KCNH7: variants seen among roughly 807,000 people sequenced by gnomAD.
KCNH7 encodes the protein potassium voltage-gated channel subfamily H member 7.
In KCNH7, 49 loss-of-function variants were observed where a neutral mutation model predicts 120.8. The observed-to-expected ratio is 0.41, with a 90% CI of 0.32 to 0.51. The LOEUF (loss-of-function observed/expected upper bound fraction) is 0.51, where lower values mean the gene tolerates loss of function less well. Among genes scored for constraint, KCNH7 ranks in the 20% least tolerant of loss-of-function variants. The pLI, the probability that KCNH7 is intolerant of heterozygous loss-of-function variation, is 0.38. For synonymous variants in KCNH7, 547 were observed against 516.1 expected (o/e 1.06, Z -0.81); for missense variants, 1,097 against 1,446.6 (o/e 0.76, Z 3.92).
At chr2:162,387,965 A>T (rs1040729932) in intron 12 of KCNH7, among the ~76,000 whole-genome samples, 10 of 151,812 alleles carry the variant, frequency 6.6e-5, no homozygotes, top group Admixed American at 4.0e-4. Flanking sequence ...AGAAGCATTT[A>T]AGGTGCTCTC....
intron 2 of KCNH7, among the ~76,000 whole-genome samples, chr2:162,538,710 G>A (rs777127075): frequency 7.2e-5 from 11 of 151,994 alleles, no homozygotes; most frequent in African/African-American, 1.7e-4. Flanking sequence ...TATGGAGACC[G>A]CCACAGATCG....
Position 162,577,599 on chromosome 2 carries a change from T to C in KCNH7, c.308-40519A>G, listed in dbSNP as rs139808987. Among the ~76,000 whole-genome samples, 862 of 152,080 alleles carry C rather than the reference T, an allele frequency of 5.7e-3. 9 individuals are homozygous for C. The highest frequency in any genetic ancestry group is 0.02 in the African/African-American group (813 of 41,528). Reference sequence around the variant, plus strand: ...CATTCCTATGATTTTCTTCTGCAACTTTAGCCAAGGCACATAATCTAATTT... The same window carrying C: ...CATTCCTATGATTTTCTTCTGCAACCTTAGCCAAGGCACATAATCTAATTT... On this transcript the variant is annotated intron_variant, in intron 2 of 15. Transcript: ENST00000332142.
At chr2:162,479,995 C>T (rs1378470790) in intron 6 of KCNH7, among the ~76,000 whole-genome samples, 3 of 152,008 alleles carry the variant, frequency 2.0e-5, no homozygotes, top group African/African-American at 4.8e-5. Flanking sequence ...TTCCATGAAG[C>T]ATGATTTTGT....
At chr2:162,758,740 T>G (rs2105447061) in intron 2 of KCNH7, among the ~76,000 whole-genome samples, 1 of 152,254 alleles carries the variant, frequency 6.6e-6, no homozygotes, top group African/African-American at 2.4e-5. Context: ...TTGAATTCTC[T>G]TATAGGTTTG....
intron 6 of KCNH7, among the ~76,000 whole-genome samples, chr2:162,483,307 T>C (rs557388607): frequency 1.3e-4 from 20 of 152,256 alleles, no homozygotes; most frequent in African/African-American, 4.6e-4. Flanking sequence ...TAGAATGAAG[T>C]GGGTTAATAA....
intron 4 of KCNH7, 31 bp from the exon 5 acceptor site, chr2:162,512,705 G>A: frequency 1.9e-6 from 3 of 1,582,324 alleles, no homozygotes; most frequent in Non-Finnish European, 2.6e-6. Context: ...TAAAAAAAGA[G>A]AAATATAAAA....
chr2:162,580,029 A>G (rs1207022125), intron 2 of KCNH7, among the ~76,000 whole-genome samples: 1 of 151,962 alleles, frequency 6.6e-6, no homozygotes, highest in African/African-American at 2.4e-5. Flanking sequence ...CTTCATTCAA[A>G]ATGGGCTTGA....
At chr2:162,759,497 C>T (rs537106695) in intron 2 of KCNH7, among the ~76,000 whole-genome samples, 1 of 151,946 alleles carries the variant, frequency 6.6e-6, no homozygotes, top group Non-Finnish European at 1.5e-5. Flanking sequence ...GTTTCTCAGC[C>T]CAATTTCTTG....
chr2:162,638,898 C>A (rs1168291792), intron 2 of KCNH7, among the ~76,000 whole-genome samples: 1 of 152,128 alleles, frequency 6.6e-6, no homozygotes, highest in Admixed American at 6.6e-5. Flanking sequence ...TTAACATATT[C>A]ACGCACAGAC....
intron 2 of KCNH7, among the ~76,000 whole-genome samples, chr2:162,811,437 G>A (rs2105568815): frequency 6.6e-6 from 1 of 152,162 alleles, no homozygotes; most frequent in South Asian, 2.1e-4. Context: ...GAGCCATCTA[G>A]TTTCCTCCTT....
intron 2 of KCNH7, among the ~76,000 whole-genome samples, chr2:162,794,457 A>C (rs547303208): frequency 6.6e-6 from 1 of 152,054 alleles, no homozygotes; most frequent in Non-Finnish European, 1.5e-5. Flanking sequence ...GGGCTAGAAA[A>C]AGATGCTAAA....
intron 2 of KCNH7, among the ~76,000 whole-genome samples, chr2:162,830,430 G>A (rs141289894): frequency 8.7e-4 from 132 of 152,110 alleles, no homozygotes; most frequent in African/African-American, 2.7e-3. Context: ...ATAATGCTGC[G>A]TTCTTTATTG....
At chr2:162,383,589 A>G (rs763392618) in intron 13 of KCNH7, among the ~76,000 whole-genome samples, 24 of 151,994 alleles carry the variant, frequency 1.6e-4, no homozygotes, top group Non-Finnish European at 2.7e-4. Context: ...TAATGATGAT[A>G]AGTAATATTT....
intron 2 of KCNH7, among the ~76,000 whole-genome samples, chr2:162,713,972 C>A (rs576222999): frequency 5.3e-5 from 8 of 152,272 alleles, no homozygotes; most frequent in African/African-American, 1.4e-4. Context: ...TGGTCTCAAA[C>A]TCCTGAAATC....
intron 7 of KCNH7, among the ~76,000 whole-genome samples, chr2:162,438,417 T>G (rs1424015288): frequency 6.6e-6 from 1 of 152,134 alleles, no homozygotes; most frequent in South Asian, 2.1e-4. Flanking sequence ...ATGTGCATAG[T>G]AACATACAAG....
intron 2 of KCNH7, among the ~76,000 whole-genome samples, chr2:162,710,922 T>C (rs1200052455): frequency 6.6e-6 from 1 of 152,172 alleles, no homozygotes; most frequent in East Asian, 1.9e-4. Context: ...TGTTATGGCC[T>C]ACAAACCGCC....
At chr2:162,549,886 T>C (rs1461392500) in intron 2 of KCNH7, among the ~76,000 whole-genome samples, 1 of 152,178 alleles carries the variant, frequency 6.6e-6, no homozygotes, top group Non-Finnish European at 1.5e-5. Context: ...GAAAACATAG[T>C]TAAGAAGGCC....
chr2:162,549,681 A>G (rs1385359871), intron 2 of KCNH7, among the ~76,000 whole-genome samples: 1 of 152,208 alleles, frequency 6.6e-6, no homozygotes, highest in Non-Finnish European at 1.5e-5. Flanking sequence ...AACCATTAGC[A>G]AAGCTGACCT....
chr2:162,689,679 A>T (rs563624398), intron 2 of KCNH7, among the ~76,000 whole-genome samples: 1 of 152,262 alleles, frequency 6.6e-6, no homozygotes, highest in African/African-American at 2.4e-5. Context: ...AAAATAATCA[A>T]ATTAAACATT....
Sources: allele counts gnomAD v4.1 joint callset (sites outside exome capture counted in the v4.1 genomes callset), GRCh38; gene constraint gnomAD v4.1.1; transcripts MANE v1.5; gene names NCBI Gene and HGNC (gene_info 2026-07-23, HGNC 2026-07-21).